LSAMP: variants seen among roughly 807,000 people sequenced by gnomAD.
LSAMP encodes limbic system-associated membrane protein.
Under a neutral mutation model 38.6 loss-of-function variants are expected in LSAMP, and 7 were observed. The ratio of observed to expected loss-of-function variants is 0.18; its 90% CI spans 0.10 to 0.34. The LOEUF is 0.34. LSAMP is among the 10% of genes least tolerant of loss of function. The pLI, the probability that LSAMP is intolerant of heterozygous loss-of-function variation, is 1.00. For synonymous variants in LSAMP, 154 were observed against 166.8 expected (o/e 0.92, Z 0.59); for missense variants, 313 against 420.0 (o/e 0.75, Z 2.23).
intron 3 of LSAMP, among the ~76,000 whole-genome samples, chr3:115,955,069 C>T (rs556210947): frequency 7.9e-5 from 12 of 152,066 alleles, no homozygotes; most frequent in Non-Finnish European, 1.5e-4. Flanking sequence ...ATTCTCCTGC[C>T]GCAGCCTCCC....
At chr3:116,270,967 G>T (rs914533188) in intron 1 of LSAMP, among the ~76,000 whole-genome samples, 6 of 151,890 alleles carry the variant, frequency 4.0e-5, no homozygotes, top group African/African-American at 1.2e-4. Context: ...GTAAAATTAA[G>T]GGATTGGAAC....
At chr3:116,346,624 A>G (rs557189823) in intron 1 of LSAMP, among the ~76,000 whole-genome samples, 1 of 152,234 alleles carries the variant, frequency 6.6e-6, no homozygotes, top group South Asian at 2.1e-4. Flanking sequence ...CCACCACCAC[A>G]TTACAGAATT....
chr3:115,931,462 G>A (rs1220637599), intron 3 of LSAMP, among the ~76,000 whole-genome samples: 2 of 152,118 alleles, frequency 1.3e-5, no homozygotes, highest in Non-Finnish European at 2.9e-5. Flanking sequence ...CAAGTGTCAG[G>A]GGGTTGGATC....
At chr3:116,072,753 T>G (rs1030535419) in intron 2 of LSAMP, among the ~76,000 whole-genome samples, 5 of 78,310 alleles carry the variant, frequency 6.4e-5, no homozygotes, top group Non-Finnish European at 1.1e-4. Context: ...TTGTTTGTGG[T>G]TTTTTTTTTT....
intron 1 of LSAMP, among the ~76,000 whole-genome samples, chr3:116,316,270 G>C (rs1157101181): frequency 1.3e-5 from 2 of 152,116 alleles, no homozygotes; most frequent in Non-Finnish European, 1.5e-5. Flanking sequence ...GTAGTTATTG[G>C]CAAGTAGGAT....
At chr3:116,077,776 C>T (rs765269502) in intron 2 of LSAMP, among the ~76,000 whole-genome samples, 5 of 152,220 alleles carry the variant, frequency 3.3e-5, no homozygotes, top group Non-Finnish European at 5.9e-5. Flanking sequence ...TCATTTCTCT[C>T]TTATCTCCTT....
intron 1 of LSAMP, among the ~76,000 whole-genome samples, chr3:116,253,348 A>G (rs1316882970): frequency 6.6e-6 from 1 of 152,188 alleles, no homozygotes; most frequent in African/African-American, 2.4e-5. Flanking sequence ...CCAAACCCCA[A>G]ACAAAGAGTT....
intron 6 of LSAMP, among the ~76,000 whole-genome samples, chr3:115,818,950 G>C (rs1397769299): frequency 6.7e-6 from 1 of 149,692 alleles, no homozygotes; most frequent in Non-Finnish European, 1.5e-5. Flanking sequence ...ACCTGAGGTC[G>C]GGAGTTTGAG....
At chr3:116,311,119 G>A (rs1183909612) in intron 1 of LSAMP, among the ~76,000 whole-genome samples, 2 of 152,036 alleles carry the variant, frequency 1.3e-5, no homozygotes, top group Non-Finnish European at 1.5e-5. Flanking sequence ...TAAAGCTACC[G>A]ATGATCATTT....
At chr3:116,289,398 ATTT>A in intron 1 of LSAMP, among the ~76,000 whole-genome samples, 1 of 152,332 alleles carries the variant, frequency 6.6e-6, no homozygotes, top group South Asian at 2.1e-4. Flanking sequence ...TTCTACCTGT[ATTT>A]AACTTAGAAC....
chr3:116,274,557 A>G (rs1032239303), intron 1 of LSAMP, among the ~76,000 whole-genome samples: 5 of 152,174 alleles, frequency 3.3e-5, no homozygotes, highest in African/African-American at 1.2e-4. Context: ...TAAAACACAC[A>G]TATTGAAGGT....
intron 1 of LSAMP, among the ~76,000 whole-genome samples, chr3:116,089,046 G>T (rs1170009178): frequency 6.6e-6 from 1 of 152,140 alleles, no homozygotes; most frequent in Non-Finnish European, 1.5e-5. Flanking sequence ...TTATAAGTCG[G>T]GTCTTTATGG....
At position 116,199,016 on chromosome 3, in the gene LSAMP, C is replaced by T. The variant is rs1017367827; in HGVS notation, c.156-112460G>A. Reference sequence around the variant, plus strand: ...GGAGAATCACTTGAGCCTGGGAGGTCCAGGCTGCAGTGAGCCATGATTGTG... The same window carrying T: ...GGAGAATCACTTGAGCCTGGGAGGTTCAGGCTGCAGTGAGCCATGATTGTG... On this transcript the variant is annotated intron_variant, in intron 1 of 6. Transcript: ENST00000490035. 1.0e-3 allele frequency among the ~76,000 whole-genome samples: 154 copies of T among 152,014 alleles called. 2 individuals carry two copies. Among genetic ancestry groups the T allele is most frequent in the Middle Eastern group, 3.4e-3 (1 of 294 alleles).
chr3:115,903,151 G>T (rs1576202495), intron 3 of LSAMP, among the ~76,000 whole-genome samples: 1 of 152,164 alleles, frequency 6.6e-6, no homozygotes, highest in African/African-American at 2.4e-5. Flanking sequence ...GGAACACTAT[G>T]CAGCCATAAA....
intron 1 of LSAMP, among the ~76,000 whole-genome samples, chr3:116,433,609 T>C (rs985254528): frequency 1.3e-5 from 2 of 152,234 alleles, no homozygotes; most frequent in African/African-American, 4.8e-5. Context: ...TAACCAGTTT[T>C]AGTCAAATAA....
chr3:115,871,564 T>C (rs1240445861), intron 3 of LSAMP, among the ~76,000 whole-genome samples: 3 of 151,258 alleles, frequency 2.0e-5, no homozygotes, highest in African/African-American at 7.3e-5. Flanking sequence ...CAAAGCTACC[T>C]AAAGAAAACC....
intron 1 of LSAMP, among the ~76,000 whole-genome samples, chr3:116,409,486 T>C (rs1316105261): frequency 6.6e-6 from 1 of 152,044 alleles, no homozygotes; most frequent in African/African-American, 2.4e-5. Flanking sequence ...ATTGCACTCA[T>C]GACCTGAGGA....
intron 1 of LSAMP, among the ~76,000 whole-genome samples, chr3:116,357,008 TG>T (rs1280453917): frequency 6.6e-6 from 1 of 152,156 alleles, no homozygotes; most frequent in Admixed American, 6.5e-5. Flanking sequence ...TTAGCCAGGA[TG>T]GTCTCGATCT....
At chr3:115,928,731 A>G (rs1163769363) in intron 3 of LSAMP, among the ~76,000 whole-genome samples, 1 of 152,190 alleles carries the variant, frequency 6.6e-6, no homozygotes, top group Non-Finnish European at 1.5e-5. Context: ...AAGAGCATAA[A>G]TCAAGAATGT....
Sources: gnomAD v4.1 joint callset for allele counts (sites outside exome capture counted in the v4.1 genomes callset) on GRCh38, gnomAD v4.1.1 for gene constraint, MANE v1.5 for transcripts, NCBI Gene and HGNC (gene_info 2026-07-23, HGNC 2026-07-21) for gene names.